ADGRL3: variants seen among roughly 807,000 people sequenced by gnomAD.
ADGRL3 encodes the protein calcium-independent alpha-latrotoxin receptor 3.
Under a neutral mutation model 153.5 loss-of-function variants are expected in ADGRL3, and 62 were observed. The ratio of observed to expected loss-of-function variants is 0.40; its 90% CI spans 0.33 to 0.50. The LOEUF (loss-of-function observed/expected upper bound fraction) is 0.50. ADGRL3 is among the 20% of genes least tolerant of loss of function. ADGRL3 has a pLI of 0.47. For missense variants in ADGRL3, 1,641 were observed against 1,859.4 expected, an observed-to-expected ratio of 0.88 and a Z score of 2.16; for synonymous variants, 710 against 672.5, an observed-to-expected ratio of 1.06 and a Z score of -0.86.
chr4:61,431,473 G>T (rs867845035), intron 2 of ADGRL3, among the ~76,000 whole-genome samples: 1 of 152,190 alleles, frequency 6.6e-6, no homozygotes, highest in South Asian at 2.1e-4. Flanking sequence ...TCAGTTCCAG[G>T]TGACTAGACC....
intron 6 of ADGRL3, among the ~76,000 whole-genome samples, chr4:61,694,128 T>C (rs192598732): frequency 6.6e-6 from 1 of 151,170 alleles, no homozygotes; most frequent in Non-Finnish European, 1.5e-5. Flanking sequence ...GCACCCATTA[T>C]ATTATATCAT....
intron 5 of ADGRL3, among the ~76,000 whole-genome samples, chr4:61,635,955 A>G (rs1257122847): frequency 6.6e-6 from 1 of 152,120 alleles, no homozygotes; most frequent in East Asian, 1.9e-4. Flanking sequence ...AGTCTCAGTT[A>G]TTGACATCTT....
chr4:61,804,938 T>C (rs2097537002), intron 8 of ADGRL3, among the ~76,000 whole-genome samples: 1 of 147,848 alleles, frequency 6.8e-6, no homozygotes, highest in African/African-American at 2.5e-5. Context: ...TATTTATTTA[T>C]TTATTTATTT....
intron 1 of ADGRL3, among the ~76,000 whole-genome samples, chr4:61,225,224 G>A (rs1747402914): frequency 6.6e-6 from 1 of 152,154 alleles, no homozygotes; most frequent in Non-Finnish European, 1.5e-5. Flanking sequence ...TGGTCCCAGG[G>A]ACTGGGAACA....
chr4:61,679,964 T>TA (rs1330100660), intron 6 of ADGRL3, among the ~76,000 whole-genome samples: 1 of 152,054 alleles, frequency 6.6e-6, no homozygotes, highest in Non-Finnish European at 1.5e-5. Context: ...CTGTTTATTT[T>TA]AAAGATGTTT....
chr4:62,001,964 T>C (rs913422973), intron 21 of ADGRL3, among the ~76,000 whole-genome samples: 2 of 152,128 alleles, frequency 1.3e-5, no homozygotes, highest in African/African-American at 4.8e-5. Context: ...TTTGTTGCTT[T>C]GATTATACAC....
At chr4:61,241,620 C>T (rs1371687562) in intron 1 of ADGRL3, among the ~76,000 whole-genome samples, 2 of 151,954 alleles carry the variant, frequency 1.3e-5, no homozygotes, top group Non-Finnish European at 2.9e-5. Context: ...TGGAAGTGAC[C>T]TGTCTTCTAC....
intron 6 of ADGRL3, among the ~76,000 whole-genome samples, chr4:61,713,635 C>T (rs1457495915): frequency 6.6e-6 from 1 of 151,948 alleles, no homozygotes; most frequent in Non-Finnish European, 1.5e-5. Context: ...TACTCCTTTA[C>T]ATTATACTGA....
intron 5 of ADGRL3, among the ~76,000 whole-genome samples, chr4:61,643,940 G>A (rs1321088091): frequency 3.0e-5 from 4 of 132,392 alleles, no homozygotes; most frequent in Non-Finnish European, 6.5e-5. Context: ...TGGTTGGTAA[G>A]CTATTGATTA....
rs192281747 is a variant in ADGRL3 at position 61,760,491 on chromosome 4, G to T, written c.1399+26937G>T. 6.7e-3 allele frequency among the ~76,000 whole-genome samples: 1,014 copies of T among 152,260 alleles called. 9 individuals are homozygous for T. Among genetic ancestry groups the T allele is most frequent in the African/African-American group, 0.023 (976 of 41,550 alleles). The stretch of plus-strand genomic sequence containing the variant: ...GATATAATCTCCTGGTGTGCCATTT[G>T]CTAAGACCATTGGAAAAGTGCAGTA... On this transcript the variant is annotated intron_variant, in intron 8 of 26. Transcript: ENST00000683033.
intron 1 of ADGRL3, among the ~76,000 whole-genome samples, chr4:61,238,852 G>A (rs1753829344): frequency 6.6e-6 from 1 of 152,040 alleles, no homozygotes. Context: ...ACACATTCCT[G>A]TATATGGCCT....
At chr4:61,624,533 T>C (rs1296047249) in intron 5 of ADGRL3, among the ~76,000 whole-genome samples, 2 of 152,104 alleles carry the variant, frequency 1.3e-5, no homozygotes, top group Non-Finnish European at 2.9e-5. Context: ...CCAGGGTTCC[T>C]TGAAAGAATT....
At chr4:62,002,379 TA>T (rs2099143528) in intron 21 of ADGRL3, among the ~76,000 whole-genome samples, 1 of 150,962 alleles carries the variant, frequency 6.6e-6, no homozygotes, top group African/African-American at 2.4e-5. Flanking sequence ...TTCTTTTCCC[TA>T]ACGCTATGAC....
intron 1 of ADGRL3, among the ~76,000 whole-genome samples, chr4:61,268,650 C>A (rs557519325): frequency 2.0e-5 from 3 of 151,284 alleles, no homozygotes; most frequent in African/African-American, 4.8e-5. Context: ...AAATGGCATT[C>A]TTTTTCATTT....
intron 1 of ADGRL3, among the ~76,000 whole-genome samples, chr4:61,315,718 G>T (rs2095185322): frequency 6.6e-6 from 1 of 152,062 alleles, no homozygotes; most frequent in Non-Finnish European, 1.5e-5. Context: ...GGCTGTTTAG[G>T]GCTCTTGGCA....
chr4:61,253,146 A>G (rs2091621976), intron 1 of ADGRL3, among the ~76,000 whole-genome samples: 4 of 152,306 alleles, frequency 2.6e-5, no homozygotes, highest in Middle Eastern at 6.8e-3. Flanking sequence ...ATGTTTGCCT[A>G]AAGATGATTT....
rs1560889501 is a variant in ADGRL3 at position 61,587,286 on chromosome 4, T to C, written c.319T>C (p.Tyr107His). The C allele has an allele frequency of 9.9e-6, 16 of 1,611,056 alleles. No homozygotes were observed. Among genetic ancestry groups the C allele is most frequent in the Non-Finnish European group, 1.4e-5 (16 of 1,178,532 alleles). Residue 107 changes from tyrosine (Y) to histidine (H), a missense_variant, in exon 5 of 27, where the codon TAT becomes CAT. Physicochemically the swap from Tyr to His is moderately conservative, Grantham distance 83 (BLOSUM62 2). Coordinates refer to ENST00000683033, the MANE Select transcript of ADGRL3 (RefSeq NM_001387552.1). ...CCGCAGAGAGCTATCCTGTGAGAGC[T>C]ATCCTATAGAGCTTCGCTGTCCAGG... ...VVRRELSCESYPIELRCPGTD... is the reference protein window; with the variant it reads ...VVRRELSCESHPIELRCPGTD...
At chr4:61,417,532 G>A (rs1183723721) in intron 2 of ADGRL3, among the ~76,000 whole-genome samples, 1 of 150,478 alleles carries the variant, frequency 6.6e-6, no homozygotes, top group Non-Finnish European at 1.5e-5. Flanking sequence ...AAAAAAAATC[G>A]AAGAGGTCCT....
intron 9 of ADGRL3, among the ~76,000 whole-genome samples, chr4:61,842,299 C>T (rs907966777): frequency 6.6e-6 from 1 of 152,092 alleles, no homozygotes; most frequent in Non-Finnish European, 1.5e-5. Context: ...TATTTTCTCT[C>T]ATTTTTGTTT....
Sources: allele counts gnomAD v4.1 joint callset (sites outside exome capture counted in the v4.1 genomes callset), GRCh38; gene constraint gnomAD v4.1.1; transcripts MANE v1.5; gene names NCBI Gene and HGNC (gene_info 2026-07-23, HGNC 2026-07-21).